Variants in WNT4 observed in about 807,000 individuals in gnomAD.
WNT4 encodes protein Wnt-4.
WNT4 carries 16 observed loss-of-function variants against 34.5 expected under a neutral mutation model. The ratio of observed to expected loss-of-function variants is 0.46; its 90% CI spans 0.31 to 0.70. The LOEUF (loss-of-function observed/expected upper bound fraction) is 0.70. Ranked by LOEUF, WNT4 falls within the 30% of genes least tolerant of loss-of-function variation. The pLI, the probability that WNT4 is intolerant of heterozygous loss-of-function variation, is 0.04. For synonymous variants in WNT4, 200 were observed against 211.9 expected, an observed-to-expected ratio of 0.94 and a Z score of 0.49; for missense variants, 379 against 495.9, an observed-to-expected ratio of 0.76 and a Z score of 2.24.
In WNT4 at chr1:22,129,723, C is replaced by A; in HGVS notation, c.206G>T (p.Arg69Leu). The change falls in exon 2 of 5, where the codon CGC (arginine) becomes CTC (leucine). Residue 69 changes from arginine to leucine, a missense_variant. Around this residue, in one of 2 missense-constraint regions of WNT4, gnomAD observed 313 missense variants for 445.8 expected, o/e 0.70. Coordinates refer to ENST00000290167, the MANE Select transcript of WNT4 (RefSeq NM_030761.5). ...CTCCTCAATGGCCAGCTGGGCACCG[C>A]GGCGCACCGAGTCCATGACTTCCAG... ...RNLEVMDSVR[R>L]GAQLAIEECQ... 6.2e-7 allele frequency: 1 copy of A among 1,613,946 alleles called. No individual in the cohort carries two copies. Among genetic ancestry groups the A allele is most frequent in the South Asian group, 1.1e-5 (1 of 91,082 alleles).
rs989275692 is a variant in WNT4 at position 22,120,266 on chromosome 1, A to G, written c.840T>C (p.Cys280=). The change falls in exon 5 of 5, where the codon TGT becomes TGC. Residue 280 remains cysteine, a synonymous_variant. Transcript: ENST00000290167. ...LVYLEPSPDF[C]EQDMRSGVLG... ...GCACGCCGCTGCGCATGTCCTGCTC[A>G]CAGAAGTCGGGGCTAGGCTCCAAGT... 5 of 1,614,052 alleles carry G rather than the reference A, an allele frequency of 3.1e-6. No homozygotes were observed. The highest frequency in any genetic ancestry group is 4.2e-6 in the Non-Finnish European group (5 of 1,180,034).
In WNT4 at chr1:22,119,558, C is replaced by T. The variant is rs1645877255; in HGVS notation, c.*492G>A. 5.3e-6 allele frequency: 1 copy of T among 190,148 alleles called. No homozygotes were observed. The highest frequency in any genetic ancestry group is 2.4e-5 in the African/African-American group (1 of 42,458). 11.8% of individuals were successfully genotyped at this position (190,148 alleles called of 1,614,324 possible). A position where few individuals can be genotyped will look rare whatever the true frequency, so the allele number is the denominator to read the frequency against. ...TTCTCAGGGCATTTGAGAGACATGG[C>T]TTCTAGGCTCAAGCTGCCAGGAGTC... On this transcript the variant is annotated 3_prime_UTR_variant, in exon 5 of 5. Transcript: ENST00000290167.
rs1469902046 is a variant in WNT4, at chr1:22,137,598, T to TG, written c.77+5247dup. 6.6e-6 allele frequency among the ~76,000 whole-genome samples: 1 copy of TG among 152,224 alleles called. No individual in the cohort carries two copies. The highest frequency in any genetic ancestry group is 1.5e-5 in the Non-Finnish European group (1 of 68,036). The stretch of plus-strand genomic sequence containing the variant: ...TGAGTTGGGCGAGTTTCAACAGGTT[T>TG]GGGGAGCACTGTCTTGTCAGATGCT... On this transcript the variant is annotated intron_variant, in intron 1 of 4. Transcript: ENST00000290167. This position sits in a 1 kb window ranked among gnomAD's most constrained non-coding sequence, Gnocchi z 5.3.
chr1:22,137,691 C>T lies in WNT4; in HGVS notation c.77+5155G>A, dbSNP rs930776026. On this transcript the variant is annotated intron_variant, in intron 1 of 4. Transcript: ENST00000290167. The surrounding 1 kb of genome is among the most constrained non-coding windows in gnomAD (Gnocchi z 5.3). ...GTCAAACCATAGCAGACAGCTGGGT[C>T]GTGACTGCTGCCTGAGCAACCCCCT... Among the ~76,000 whole-genome samples, 14 of 152,228 alleles carry T rather than the reference C, an allele frequency of 9.2e-5. No homozygotes were observed. Among genetic ancestry groups the T allele is most frequent in the African/African-American group, 2.9e-4 (12 of 41,452 alleles).
At position 22,121,810 on chromosome 1, in the gene WNT4, A is replaced by T. The variant is rs183588116; in HGVS notation, c.314-234T>A. Among the ~76,000 whole-genome samples, 176 of 152,340 alleles carry T rather than the reference A, an allele frequency of 1.2e-3. 1 individual carries two copies. Among genetic ancestry groups the T allele is most frequent in the Admixed American group, 6.5e-3 (99 of 15,308 alleles). ...GCTTTTCAAACGTGCAGATGCTGTC[A>T]TCCTCACAACCACCCCAGGAGGCAA... On this transcript the variant is annotated intron_variant, in intron 2 of 4. Transcript: ENST00000290167.
At chr1:22,135,962 C>T (rs890720813) in intron 1 of WNT4, among the ~76,000 whole-genome samples, 2 of 152,122 alleles carry the variant, frequency 1.3e-5, no homozygotes, top group Admixed American at 6.5e-5. Flanking sequence ...AGCCTCAGTG[C>T]CCTCATTTTC....
At chr1:22,124,203 A>G (rs1174831183) in intron 2 of WNT4, among the ~76,000 whole-genome samples, 1 of 152,256 alleles carries the variant, frequency 6.6e-6, no homozygotes, top group African/African-American at 2.4e-5. Context: ...GCAAGGTGGC[A>G]GATCCTGCTC....
intron 1 of WNT4, among the ~76,000 whole-genome samples, chr1:22,132,416 C>T (rs1197205586): frequency 6.6e-6 from 1 of 152,202 alleles, no homozygotes; most frequent in African/African-American, 2.4e-5. Context: ...TTGGGCAAGT[C>T]CCTGCCATAC....
rs1645886003 is a variant in WNT4 at position 22,120,381 on chromosome 1, G to T, written c.725C>A (p.Thr242Asn). The T allele has an allele frequency of 6.2e-7, 1 of 1,614,070 alleles. No homozygotes were observed. The highest frequency in any genetic ancestry group is 1.1e-5 in the South Asian group (1 of 91,092). The change falls in exon 5 of 5, where the codon ACT becomes AAT. Residue 242 changes from threonine (T) to asparagine (N), a missense_variant. Thr to Asn is a moderately conservative substitution (Grantham distance 65, BLOSUM62 0). Coordinates refer to ENST00000290167, the MANE Select transcript of WNT4 (RefSeq NM_030761.5). ...GCCCACGCGGCGTGGCTCCACCTCA[G>T]TGGCACCATCAAACTTCTCCTTCAG... ...HALKEKFDGA[T>N]EVEPRRVGSS...
At position 22,129,958 on chromosome 1, in the gene WNT4, G is replaced by A. The variant is rs1645970651; in HGVS notation, c.78-107C>T. 6.8e-6 allele frequency: 9 copies of A among 1,322,518 alleles called. No homozygotes were observed. The Admixed American group carries it at 1.4e-4, about 20-fold the overall frequency. 81.9% of individuals were successfully genotyped at this position (1,322,518 alleles called of 1,614,324 possible). On this transcript the variant is annotated intron_variant, in intron 1 of 4. Transcript: ENST00000290167. ...TCTCTGGGAACTGACTCGTCCCAGT[G>A]ACTGGGCCTGGCTGCCGACTTCTCT...
chr1:22,133,501 C>A (rs1414196224), intron 1 of WNT4, among the ~76,000 whole-genome samples: 1 of 152,228 alleles, frequency 6.6e-6, no homozygotes, highest in Non-Finnish European at 1.5e-5. Context: ...ATGGAGTGCA[C>A]CAGCCCTTTC....
At chr1:22,131,324 A>C (rs1018844536) in intron 1 of WNT4, among the ~76,000 whole-genome samples, 6 of 152,232 alleles carry the variant, frequency 3.9e-5, no homozygotes, top group African/African-American at 1.4e-4. Flanking sequence ...CTGTGCATCG[A>C]AACGTGTGCA....
intron 2 of WNT4, among the ~76,000 whole-genome samples, chr1:22,129,415 C>T (rs1645965139): frequency 6.6e-6 from 1 of 152,250 alleles, no homozygotes; most frequent in Admixed American, 6.5e-5. Context: ...CCCCATCCCA[C>T]ACATACATCC....
At position 22,140,174 on chromosome 1, in the gene WNT4, G is replaced by A. The variant is rs143705017; in HGVS notation, c.77+2672C>T. 8.7e-5 allele frequency: 86 copies of A among 985,348 alleles called. No individual in the cohort carries two copies. In the African/African-American group the frequency reaches 9.4e-4, roughly 11 times the overall value. 61.0% of individuals were successfully genotyped at this position (985,348 alleles called of 1,614,324 possible). ...GGCAGGTGCTGTCAGCTATCCTCTC[G>A]GGGCCAGGCCTCCTCATACCTCACA... On this transcript the variant is annotated intron_variant, in intron 1 of 4. Coordinates refer to ENST00000290167, the MANE Select transcript of WNT4 (RefSeq NM_030761.5). The surrounding 1 kb of genome is among the most constrained non-coding windows in gnomAD (Gnocchi z 5.9).
intron 2 of WNT4, 50 bp from the exon 3 acceptor site, chr1:22,121,626 C>T (rs1209368341): frequency 1.3e-6 from 2 of 1,599,318 alleles, no homozygotes; most frequent in African/African-American, 1.3e-5. Flanking sequence ...CTCCTCCCTG[C>T]ACCCTCCTTT....
rs765263636 is a variant in WNT4 at position 22,137,261 on chromosome 1, C to T, written c.77+5585G>A. 2.5e-4 allele frequency among the ~76,000 whole-genome samples: 38 copies of T among 152,246 alleles called. No homozygotes were observed. The highest frequency in any genetic ancestry group is 6.7e-4 in the African/African-American group (28 of 41,552). On this transcript the variant is annotated intron_variant, in intron 1 of 4. Transcript: ENST00000290167. The surrounding 1 kb of genome is among the most constrained non-coding windows in gnomAD (Gnocchi z 5.3). Reference sequence around the variant, plus strand: ...GGGGGAGGGGGAGCTGGTGGGGTCACGGCAGGGAGCGAGCCGTCCCGAGTT... The same window carrying T: ...GGGGGAGGGGGAGCTGGTGGGGTCATGGCAGGGAGCGAGCCGTCCCGAGTT...
At chr1:22,121,698 G>A in intron 2 of WNT4, 122 bp from the exon 3 acceptor site, 1 of 1,472,066 alleles carries the variant, frequency 6.8e-7, no homozygotes, top group Non-Finnish European at 9.2e-7. Flanking sequence ...AGCAAGACAG[G>A]CAGAAATCAT....
At position 22,134,561 on chromosome 1, in the gene WNT4, A is replaced by G. The variant is rs2124127362; in HGVS notation, c.78-4710T>C. ...ATGGACCAGGGACTCCTGGGTCCAA[A>G]TGTCATCCTTGTGTTGCTTGAAGCA... On this transcript the variant is annotated intron_variant, in intron 1 of 4. Coordinates refer to ENST00000290167, the MANE Select transcript of WNT4 (RefSeq NM_030761.5). The surrounding 1 kb of genome is among the most constrained non-coding windows in gnomAD (Gnocchi z 4.1). Among the ~76,000 whole-genome samples the G allele has an allele frequency of 6.6e-6, 1 of 152,270 alleles. No individual in the cohort carries two copies. Among genetic ancestry groups the G allele is most frequent in the African/African-American group, 2.4e-5 (1 of 41,544 alleles).
At chr1:22,129,526 A>T (rs1570102480) in intron 2 of WNT4, 90 bp downstream of exon 2, 6 of 1,408,580 alleles carry the variant, frequency 4.3e-6, no homozygotes, top group Non-Finnish European at 5.9e-6. Flanking sequence ...GACCTGCAAT[A>T]GTCCCGTTGC....
Sources: gnomAD v4.1 joint callset for allele counts (sites outside exome capture counted in the v4.1 genomes callset) on GRCh38, gnomAD v4.1.1 for gene constraint, gnomAD v4.1.1 regional missense constraint, Gnocchi (gnomAD v3.1) non-coding constraint, MANE v1.5 for transcripts, NCBI Gene and HGNC (gene_info 2026-07-23, HGNC 2026-07-21) for gene names.